MAPKAP1: variants seen among roughly 807,000 people sequenced by gnomAD.
MAPKAP1 encodes MAPK associated protein 1, also known as target of rapamycin complex 2 subunit MAPKAP1.
Under a neutral mutation model 65.7 loss-of-function variants are expected in MAPKAP1, and 20 were observed. The ratio of observed to expected loss-of-function variants is 0.30; its 90% confidence interval spans 0.21 to 0.44. The LOEUF (loss-of-function observed/expected upper bound fraction) is 0.44. MAPKAP1 is among the 20% of genes least tolerant of loss of function. MAPKAP1 has a pLI of 1.00. For missense variants in MAPKAP1, 423 were observed against 648.0 expected, an observed-to-expected ratio of 0.65 and a Z score of 3.77; for synonymous variants, 222 against 244.3, an observed-to-expected ratio of 0.91 and a Z score of 0.85.
chr9:125,662,021 GAAAA>G (rs773043329), intron 3 of MAPKAP1, among the ~76,000 whole-genome samples: 2 of 151,964 alleles, frequency 1.3e-5, no homozygotes, highest in Non-Finnish European at 2.9e-5. Context: ...AAACAATAGA[GAAAA>G]AAGAAAAATT....
intron 1 of MAPKAP1, among the ~76,000 whole-genome samples, chr9:125,704,708 T>A (rs760053076): frequency 1.3e-5 from 2 of 152,150 alleles, no homozygotes; most frequent in African/African-American, 4.8e-5. Flanking sequence ...CAACTTTACG[T>A]CCTTGTACCC....
chr9:125,489,132 C>T (rs1854609312), intron 8 of MAPKAP1, among the ~76,000 whole-genome samples: 3 of 152,066 alleles, frequency 2.0e-5, no homozygotes, highest in Admixed American at 6.6e-5. Context: ...TTTAGCAACT[C>T]AAAGTGAAAA....
In MAPKAP1 at chr9:125,447,313, G is replaced by A. The variant is rs1166409629; in HGVS notation, c.1346-2715C>T. On this transcript the variant is annotated intron_variant, in intron 10 of 11. Coordinates refer to ENST00000265960, the MANE Select transcript of MAPKAP1 (RefSeq NM_001006617.3). This position sits in a 1 kb window ranked among gnomAD's most constrained non-coding sequence, Gnocchi z 4.5. ...CTCCGGTCTGTTTGTCCTTTCCAGT[G>A]AAAGCACTCACGCCATAGGAGAGGG... The A allele has an allele frequency of 3.2e-5, 14 of 434,832 alleles. No individual in the cohort carries two copies. The highest frequency in any genetic ancestry group is 1.3e-4 in the South Asian group (8 of 61,216). 26.9% of individuals were successfully genotyped at this position (434,832 alleles called of 1,614,324 possible).
chr9:125,516,898 A>G lies in MAPKAP1; in HGVS notation c.959-10481T>C, dbSNP rs566706391. 4.6e-5 allele frequency among the ~76,000 whole-genome samples: 7 copies of G among 152,350 alleles called. No homozygotes were observed. In the South Asian group the frequency reaches 1.5e-3, roughly 32 times the overall value. On this transcript the variant is annotated intron_variant, in intron 7 of 11. Transcript: ENST00000265960. ...AACTTGCCCTTTTTGAAAACAAGTC[A>G]AATATTGCTTCATTCCTGGACTATA...
At chr9:125,615,714 A>G (rs2131639150) in intron 4 of MAPKAP1, among the ~76,000 whole-genome samples, 1 of 152,262 alleles carries the variant, frequency 6.6e-6, no homozygotes, top group African/African-American at 2.4e-5. Context: ...GGAGTTCAAG[A>G]TCAGCCTGGC....
At chr9:125,500,614 A>G (rs1828947833) in intron 8 of MAPKAP1, among the ~76,000 whole-genome samples, 1 of 152,248 alleles carries the variant, frequency 6.6e-6, no homozygotes, top group South Asian at 2.1e-4. Context: ...ATATACATAG[A>G]TGATCCCTGG....
intron 7 of MAPKAP1, among the ~76,000 whole-genome samples, chr9:125,537,412 C>G (rs866343312): frequency 2.6e-4 from 39 of 152,310 alleles, no homozygotes; most frequent in Middle Eastern, 3.4e-3. Flanking sequence ...CATTCATTAG[C>G]TCCCATGTCG....
chr9:125,491,525 C>T (rs150280918), intron 8 of MAPKAP1, among the ~76,000 whole-genome samples: 95 of 151,938 alleles, frequency 6.3e-4, no homozygotes, highest in African/African-American at 2.1e-3. Flanking sequence ...CCCTGTAATC[C>T]CGGCACTTCT....
At chr9:125,566,573 AG>A (rs1831059972) in intron 5 of MAPKAP1, among the ~76,000 whole-genome samples, 1 of 123,168 alleles carries the variant, frequency 8.1e-6, no homozygotes, top group Non-Finnish European at 1.6e-5. Flanking sequence ...AAAAAGAAAA[AG>A]AAAAAGAAAA....
At chr9:125,486,851 AC>A (rs558462306) in intron 8 of MAPKAP1, among the ~76,000 whole-genome samples, 2 of 152,130 alleles carry the variant, frequency 1.3e-5, no homozygotes, top group East Asian at 3.9e-4. Context: ...AGAGCAGAGC[AC>A]CAGTGACACT....
chr9:125,672,759 G>C, intron 1 of MAPKAP1, 116 bp from the exon 2 acceptor site: 1 of 656,784 alleles, frequency 1.5e-6, no homozygotes, highest in Non-Finnish European at 2.6e-6. Flanking sequence ...ATTTATCCCT[G>C]TTCTGTGGAG....
chr9:125,596,101 G>A, intron 4 of MAPKAP1: 4 of 903,802 alleles, frequency 4.4e-6, no homozygotes, highest in Non-Finnish European at 7.3e-6. Context: ...GGCAAGAAAA[G>A]GGGACTTGCC....
chr9:125,452,388 T>C (rs558347529), intron 10 of MAPKAP1, among the ~76,000 whole-genome samples: 15 of 152,150 alleles, frequency 9.9e-5, no homozygotes, highest in Non-Finnish European at 1.9e-4. Flanking sequence ...CGTGAGCCAC[T>C]ACGCCTGGCC....
chr9:125,683,686 T>G (rs2131828782), intron 1 of MAPKAP1, among the ~76,000 whole-genome samples: 1 of 152,306 alleles, frequency 6.6e-6, no homozygotes, highest in African/African-American at 2.4e-5. Context: ...TTTAAGAGCA[T>G]GAACACAAAA....
intron 5 of MAPKAP1, among the ~76,000 whole-genome samples, chr9:125,581,002 G>A (rs902652818): frequency 6.6e-6 from 1 of 152,166 alleles, no homozygotes; most frequent in African/African-American, 2.4e-5. Flanking sequence ...TTTTCACTAC[G>A]TGAATCCACC....
intron 9 of MAPKAP1, among the ~76,000 whole-genome samples, chr9:125,477,755 C>T (rs1294169728): frequency 1.3e-5 from 2 of 152,190 alleles, no homozygotes; most frequent in Non-Finnish European, 1.5e-5. Context: ...CGTTCTGTTT[C>T]AATGTTCCCC....
intron 4 of MAPKAP1, among the ~76,000 whole-genome samples, chr9:125,599,471 T>C: frequency 6.6e-6 from 1 of 152,136 alleles, no homozygotes; most frequent in East Asian, 1.9e-4. Flanking sequence ...ATACCTAGTA[T>C]CTCAAACAAA....
chr9:125,559,172 C>CAA, intron 6 of MAPKAP1: 1 of 150,890 alleles, frequency 6.6e-6, no homozygotes, highest in Non-Finnish European at 1.5e-5. Context: ...GAGAAAGGCA[C>CAA]AAAAAAAAAG....
chr9:125,549,526 T>G (rs1270869367), intron 6 of MAPKAP1, among the ~76,000 whole-genome samples: 2 of 152,206 alleles, frequency 1.3e-5, no homozygotes, highest in Non-Finnish European at 2.9e-5. Flanking sequence ...CAAAAATTTT[T>G]TTTAAAGATC....
Sources: gnomAD v4.1 joint callset for allele counts (sites outside exome capture counted in the v4.1 genomes callset) on GRCh38, gnomAD v4.1.1 for gene constraint, Gnocchi (gnomAD v3.1) non-coding constraint, MANE v1.5 for transcripts, NCBI Gene and HGNC (gene_info 2026-07-23, HGNC 2026-07-21) for gene names.